SND1: variants seen among roughly 807,000 people sequenced by gnomAD.
SND1 encodes the protein staphylococcal nuclease domain-containing protein 1.
A neutral mutation model predicts 121.7 loss-of-function variants in SND1; 38 were observed. The ratio of observed to expected loss-of-function variants is 0.31; its 90% CI spans 0.24 to 0.41. The LOEUF is 0.41. Among genes scored for constraint, SND1 ranks in the 10% least tolerant of loss-of-function variants. SND1 has a pLI of 1.00. For missense variants in SND1, 868 were observed against 1,184.6 expected (o/e 0.73, Z 3.92); for synonymous variants, 401 against 447.4 (o/e 0.90, Z 1.31).
At chr7:127,985,653 TC>T (rs1182666707) in intron 15 of SND1, among the ~76,000 whole-genome samples, 1 of 152,228 alleles carries the variant, frequency 6.6e-6, no homozygotes, top group Non-Finnish European at 1.5e-5. Flanking sequence ...AAATAATCTT[TC>T]CTAGCTGGTA....
rs2116582413 is a variant in SND1, at chr7:127,810,731, C to T, written c.1242+3158C>T. ...TGCTTTCAGGAGAATAAGGTAGTAA[C>T]TGGGATCTTCATTGGGATTTCCCTC... On this transcript the variant is annotated intron_variant, in intron 11 of 23. Transcript: ENST00000354725. Among the ~76,000 whole-genome samples the T allele has an allele frequency of 2.0e-5, 3 of 152,324 alleles. No homozygotes were observed. The South Asian group carries it at 6.2e-4, about 32-fold the overall frequency.
intron 20 of SND1, chr7:128,086,733 A>G (rs933203873): frequency 3.2e-6 from 2 of 615,468 alleles, no homozygotes; most frequent in Non-Finnish European, 5.9e-6. Context: ...TGAGCTCCCC[A>G]TCTACTGCTG....
chr7:128,004,603 G>A (rs533202703), intron 16 of SND1, among the ~76,000 whole-genome samples: 1 of 152,334 alleles, frequency 6.6e-6, no homozygotes, highest in African/African-American at 2.4e-5. Flanking sequence ...CTGATAAGCA[G>A]CATATCCTAA....
chr7:127,879,906 A>AATATATGT (rs1799758353), intron 12 of SND1, among the ~76,000 whole-genome samples: 1 of 152,198 alleles, frequency 6.6e-6, no homozygotes, highest in African/African-American at 2.4e-5. Context: ...ATATGTAATA[A>AATATATGT]ATATATGTGT....
At chr7:127,784,343 C>A (rs1797774886) in intron 10 of SND1, among the ~76,000 whole-genome samples, 1 of 152,216 alleles carries the variant, frequency 6.6e-6, no homozygotes, top group Admixed American at 6.5e-5. Context: ...CCCTGGCTCC[C>A]TCTCTAGCAT....
intron 16 of SND1, among the ~76,000 whole-genome samples, chr7:128,022,704 A>AC: frequency 1.4e-5 from 1 of 73,470 alleles, no homozygotes; most frequent in East Asian, 4.6e-4. Flanking sequence ...AGCACACCCC[A>AC]CCCCCCTCCC....
intron 10 of SND1, among the ~76,000 whole-genome samples, chr7:127,736,135 T>C (rs1796772640): frequency 6.6e-6 from 1 of 152,246 alleles, no homozygotes; most frequent in East Asian, 1.9e-4. Context: ...TTTTCATTCA[T>C]TATTTTCACA....
At chr7:127,703,416 C>A in intron 7 of SND1, 93 bp downstream of exon 7, 1 of 1,438,864 alleles carries the variant, frequency 6.9e-7, no homozygotes, top group Non-Finnish European at 9.5e-7. Flanking sequence ...CTGTATTTAA[C>A]ATCCATTAAG....
intron 12 of SND1, among the ~76,000 whole-genome samples, chr7:127,848,017 A>T (rs1453046352): frequency 3.9e-5 from 6 of 152,178 alleles, no homozygotes; most frequent in Non-Finnish European, 7.4e-5. Context: ...CTGACCCTTT[A>T]CTTCTAAAAG....
intron 12 of SND1, among the ~76,000 whole-genome samples, chr7:127,856,473 T>C (rs548086048): frequency 1.3e-5 from 2 of 152,200 alleles, no homozygotes; most frequent in Admixed American, 6.5e-5. Flanking sequence ...TTAGTGAAAA[T>C]GTGTTTTAAA....
chr7:128,054,374 A>G (rs909475110), intron 16 of SND1, among the ~76,000 whole-genome samples: 15 of 152,204 alleles, frequency 9.9e-5, no homozygotes, highest in African/African-American at 2.9e-4. Context: ...TACCATATCT[A>G]TGGTAAGTGC....
intron 10 of SND1, among the ~76,000 whole-genome samples, chr7:127,775,851 A>C (rs1797610209): frequency 6.6e-6 from 1 of 152,188 alleles, no homozygotes; most frequent in African/African-American, 2.4e-5. Flanking sequence ...ACTTAGAAGC[A>C]GTGTCTGGCA....
At chr7:127,727,907 CT>C (rs1796611266) in intron 10 of SND1, among the ~76,000 whole-genome samples, 1 of 152,022 alleles carries the variant, frequency 6.6e-6, no homozygotes. Context: ...TATATATGTC[CT>C]GATTTTTAAG....
intron 16 of SND1, among the ~76,000 whole-genome samples, chr7:128,053,694 G>C (rs1394305302): frequency 1.3e-5 from 2 of 151,926 alleles, no homozygotes; most frequent in African/African-American, 4.8e-5. Context: ...GGGGATCCTG[G>C]ATAAATGGGA....
chr7:127,906,948 C>G (rs1415214070), intron 14 of SND1, among the ~76,000 whole-genome samples: 3 of 152,178 alleles, frequency 2.0e-5, no homozygotes. Flanking sequence ...CCAATTCCCC[C>G]TTAAACTCTA....
intron 10 of SND1, among the ~76,000 whole-genome samples, chr7:127,726,513 A>T (rs548316270): frequency 6.6e-6 from 1 of 152,350 alleles, no homozygotes; most frequent in South Asian, 2.1e-4. Context: ...GAATGTGCTA[A>T]ATCTTGGAGA....
chr7:127,663,442 G>A (rs1007662254), intron 1 of SND1, among the ~76,000 whole-genome samples: 3 of 151,448 alleles, frequency 2.0e-5, no homozygotes, highest in Admixed American at 2.0e-4. Flanking sequence ...CACAATCTCG[G>A]CTCAGTGAAA....
rs112758683 is a variant in SND1 at position 128,068,343 on chromosome 7, G to A, written c.1780-6159G>A. Among the ~76,000 whole-genome samples, 621 of 151,278 alleles carry A rather than the reference G, an allele frequency of 4.1e-3. 2 individuals are homozygous for A. The highest frequency in any genetic ancestry group is 0.014 in the African/African-American group (558 of 41,138). On this transcript the variant is annotated intron_variant, in intron 16 of 23. Coordinates refer to ENST00000354725, the MANE Select transcript of SND1 (RefSeq NM_014390.4). The stretch of plus-strand genomic sequence containing the variant: ...AGGGCTAGAAGAAGTTGAGAATGTT[G>A]ACATTTCTAAAGCCATCATCCATTG...
chr7:128,028,864 C>T, intron 16 of SND1: 2 of 1,614,208 alleles, frequency 1.2e-6, no homozygotes, highest in Non-Finnish European at 1.7e-6. Context: ...ACTGCCCCCT[C>T]ACCTGATACA....
Sources: allele counts gnomAD v4.1 joint callset (sites outside exome capture counted in the v4.1 genomes callset), GRCh38; gene constraint gnomAD v4.1.1; transcripts MANE v1.5; gene names NCBI Gene and HGNC (gene_info 2026-07-23, HGNC 2026-07-21).